Variants in ALK observed in about 807,000 individuals in gnomAD.
ALK encodes ALK tyrosine kinase receptor.
Under a neutral mutation model 163.1 loss-of-function variants are expected in ALK, and 74 were observed. That is an observed-to-expected ratio of 0.45 (90% CI 0.38 to 0.55). ALK has a LOEUF of 0.55. ALK is among the 20% of genes least tolerant of loss of function. ALK has a pLI of 0.00. For synonymous variants in ALK, 960 were observed against 843.2 expected, an observed-to-expected ratio of 1.14 and a Z score of -2.40; for missense variants, 2,063 against 2,105.3, an observed-to-expected ratio of 0.98 and a Z score of 0.39.
intron 1 of ALK, among the ~76,000 whole-genome samples, chr2:29,760,486 A>G (rs1429597219): frequency 1.3e-5 from 2 of 152,178 alleles, no homozygotes; most frequent in African/African-American, 2.4e-5. Flanking sequence ...TGCAAATATC[A>G]TTGGCTAAGC....
intron 2 of ALK, among the ~76,000 whole-genome samples, chr2:29,700,987 T>C (rs1678715725): frequency 1.3e-5 from 2 of 152,152 alleles, no homozygotes; most frequent in African/African-American, 4.8e-5. Context: ...CCAGCATTGG[T>C]TACTCAGGCA....
chr2:29,446,984 T>C (rs947261381), intron 4 of ALK, among the ~76,000 whole-genome samples: 1 of 152,212 alleles, frequency 6.6e-6, no homozygotes, highest in Non-Finnish European at 1.5e-5. Context: ...AGTGTTTCAT[T>C]CATTAATCAC....
chr2:29,760,373 T>C (rs185829850), intron 1 of ALK, among the ~76,000 whole-genome samples: 1 of 152,322 alleles, frequency 6.6e-6, no homozygotes, highest in East Asian at 1.9e-4. Flanking sequence ...GTAATATGGC[T>C]GATAATAATA....
chr2:29,716,892 C>T (rs1406239501), intron 2 of ALK, among the ~76,000 whole-genome samples: 2 of 149,482 alleles, frequency 1.3e-5, no homozygotes, highest in Non-Finnish European at 2.9e-5. Context: ...CTCCTGTAAT[C>T]CCAGCACTTT....
At chr2:29,444,497 C>G (rs1670623106) in intron 4 of ALK, among the ~76,000 whole-genome samples, 1 of 152,170 alleles carries the variant, frequency 6.6e-6, no homozygotes, top group South Asian at 2.1e-4. Context: ...CAGGAGACAA[C>G]AGAGGACTGG....
chr2:29,607,035 A>G (rs1027572250), intron 3 of ALK, among the ~76,000 whole-genome samples: 6 of 152,144 alleles, frequency 3.9e-5, no homozygotes, highest in Non-Finnish European at 8.8e-5. Context: ...TCAGCATTCC[A>G]CAGAGCATGG....
At chr2:29,355,088 G>T (rs376853836) in intron 5 of ALK, among the ~76,000 whole-genome samples, 1 of 152,268 alleles carries the variant, frequency 6.6e-6, no homozygotes, top group East Asian at 1.9e-4. Context: ...TTTGTGACAA[G>T]AATGGATACC....
intron 1 of ALK, among the ~76,000 whole-genome samples, chr2:29,788,336 C>A (rs1664096704): frequency 2.6e-5 from 4 of 152,198 alleles, no homozygotes; most frequent in Admixed American, 2.6e-4. Context: ...ATTAACATGA[C>A]ATTCCTTGTC....
chr2:29,659,780 G>A (rs879545532), intron 3 of ALK, among the ~76,000 whole-genome samples: 10 of 152,028 alleles, frequency 6.6e-5, no homozygotes, highest in African/African-American at 1.7e-4. Context: ...ACTACAGACC[G>A]GATAATGTTT....
chr2:29,206,888 G>A (rs1573098510), intron 26 of ALK, among the ~76,000 whole-genome samples: 1 of 151,956 alleles, frequency 6.6e-6, no homozygotes. Context: ...GCCAGCAATG[G>A]CAGCATCACT....
chr2:29,749,693 T>C (rs1177979079), intron 1 of ALK, among the ~76,000 whole-genome samples: 1 of 152,040 alleles, frequency 6.6e-6, no homozygotes, highest in Non-Finnish European at 1.5e-5. Flanking sequence ...GCCCACAGCA[T>C]CTCCAACCCC....
chr2:29,411,925 A>G lies in ALK; in HGVS notation c.1155-28066T>C, dbSNP rs545941619. On this transcript the variant is annotated intron_variant, in intron 4 of 28. Coordinates refer to ENST00000389048, the MANE Select transcript of ALK (RefSeq NM_004304.5). ...CTTGAGTGTCTTTGAGATGTCACTCATACACTCTTTGGTGACACCAGCCCA... is the reference window on the plus strand; with the variant it reads ...CTTGAGTGTCTTTGAGATGTCACTCGTACACTCTTTGGTGACACCAGCCCA... Among the ~76,000 whole-genome samples the G allele has an allele frequency of 2.0e-5, 3 of 152,314 alleles. No homozygotes were observed. The South Asian group carries it at 6.2e-4, about 32-fold the overall frequency.
chr2:29,827,374 A>G (rs1665231954), intron 1 of ALK, among the ~76,000 whole-genome samples: 1 of 152,092 alleles, frequency 6.6e-6, no homozygotes. Flanking sequence ...TTCCAACAAC[A>G]CTTGCTTCCT....
chr2:29,445,795 G>A (rs547992062), intron 4 of ALK, among the ~76,000 whole-genome samples: 79 of 151,782 alleles, frequency 5.2e-4, no homozygotes, highest in African/African-American at 1.8e-3. Context: ...GCACTCCAGC[G>A]TGGGCAACAA....
intron 3 of ALK, among the ~76,000 whole-genome samples, chr2:29,651,934 C>G (rs1225423876): frequency 2.0e-5 from 3 of 152,124 alleles, no homozygotes; most frequent in Non-Finnish European, 4.4e-5. Context: ...TGCAAGGGAA[C>G]AGCCTATAGG....
Position 29,196,753 on chromosome 2 carries a change from G to T in ALK, c.4164+17C>A. On this transcript the variant is annotated intron_variant, in intron 28 of 28. Coordinates refer to ENST00000389048, the MANE Select transcript of ALK (RefSeq NM_004304.5). ...TCATATAGAGTAAATGTTGACCAAAGGGAGAAAATGTTTTACCTGGGTGCA... is the reference window on the plus strand; with the variant it reads ...TCATATAGAGTAAATGTTGACCAAATGGAGAAAATGTTTTACCTGGGTGCA... The T allele has an allele frequency of 1.3e-6, 2 of 1,591,054 alleles. No individual in the cohort carries two copies. Among genetic ancestry groups the T allele is most frequent in the South Asian group, 1.1e-5 (1 of 90,622 alleles).
chr2:29,210,720 T>A, intron 24 of ALK, among the ~76,000 whole-genome samples: 1 of 152,198 alleles, frequency 6.6e-6, no homozygotes. Context: ...ATTTTTAAAA[T>A]AAGCCATTAT....
rs771352312 is a variant in ALK at position 29,193,522 on chromosome 2, A to C, written c.4565T>G (p.Ile1522Arg). The C allele has an allele frequency of 1.2e-6, 2 of 1,613,876 alleles. No homozygotes were observed. The highest frequency in any genetic ancestry group is 2.7e-5 in the African/African-American group (2 of 74,852). The change falls in exon 29 of 29, where the codon ATA (isoleucine) becomes AGA (arginine). Residue 1522 changes from isoleucine (I) to arginine (R), a missense_variant. By Grantham distance (97) the Ile-to-Arg change is moderately conservative. Coordinates refer to ENST00000389048, the MANE Select transcript of ALK (RefSeq NM_004304.5). The part of the protein sequence containing the change: ...TEKPTKKNNP[I>R]AKKEPHDRGN... The stretch of plus-strand genomic sequence containing the variant: ...CCTGTCGTGTGGCTCCTTCTTTGCT[A>C]TAGGATTATTCTTTTTGGTGGGTTT...
chr2:29,688,890 C>T (rs897131201), intron 3 of ALK, among the ~76,000 whole-genome samples: 1 of 152,140 alleles, frequency 6.6e-6, no homozygotes, highest in African/African-American at 2.4e-5. Flanking sequence ...TTCAGGGTGG[C>T]CACTGAACCC....
Sources: gnomAD v4.1 joint callset for allele counts (sites outside exome capture counted in the v4.1 genomes callset) on GRCh38, gnomAD v4.1.1 for gene constraint, MANE v1.5 for transcripts, NCBI Gene and HGNC (gene_info 2026-07-23, HGNC 2026-07-21) for gene names.